The following KCTD8 variants were observed in gnomAD, a reference collection of about 807,000 sequenced individuals.
The protein encoded by KCTD8 is BTB/POZ domain-containing protein KCTD8.
Under a neutral mutation model 31.5 loss-of-function variants are expected in KCTD8, and 27 were observed. The ratio of observed to expected loss-of-function variants is 0.86; its 90% CI spans 0.63 to 1.18. The LOEUF (loss-of-function observed/expected upper bound fraction) is 1.18. Among genes scored for constraint, KCTD8 ranks in the 50% most tolerant of loss-of-function variants. The probability of loss-of-function intolerance (pLI) is 0.00; values close to 1 mark genes in which losing one functional copy is unlikely to be tolerated. For missense variants in KCTD8, 658 were observed against 647.7 expected, an observed-to-expected ratio of 1.02 and a Z score of -0.17; for synonymous variants, 290 against 280.0, an observed-to-expected ratio of 1.04 and a Z score of -0.36.
intron 1 of KCTD8, among the ~76,000 whole-genome samples, chr4:44,259,334 G>T (rs2109364854): frequency 6.6e-6 from 1 of 151,820 alleles, no homozygotes; most frequent in Admixed American, 6.6e-5. Flanking sequence ...AATATAATCA[G>T]CCGGTTTCTC....
intron 1 of KCTD8, among the ~76,000 whole-genome samples, chr4:44,439,904 ATTTATT>A (rs1721774647): frequency 3.3e-4 from 35 of 106,984 alleles, no homozygotes; most frequent in East Asian, 2.7e-3. Flanking sequence ...ATTTATTTTT[ATTTATT>A]TATTTATTTA....
chr4:44,295,681 A>T (rs1309549011), intron 1 of KCTD8, among the ~76,000 whole-genome samples: 1 of 152,130 alleles, frequency 6.6e-6, no homozygotes, highest in Non-Finnish European at 1.5e-5. Context: ...AGTTTCTCAT[A>T]GTTCTAGAGG....
intron 1 of KCTD8, among the ~76,000 whole-genome samples, chr4:44,327,204 AAC>A (rs1379201298): frequency 1.7e-4 from 26 of 151,922 alleles, no homozygotes; most frequent in Admixed American, 1.7e-3. Flanking sequence ...TGAAATTGAA[AAC>A]ACACATTTTT....
chr4:44,388,339 C>G (rs1228272982), intron 1 of KCTD8, among the ~76,000 whole-genome samples: 1 of 151,886 alleles, frequency 6.6e-6, no homozygotes, highest in East Asian at 1.9e-4. Context: ...TTTGTCCCAG[C>G]AATCCCATTA....
chr4:44,301,211 T>C (rs1717609186), intron 1 of KCTD8, among the ~76,000 whole-genome samples: 2 of 152,344 alleles, frequency 1.3e-5, no homozygotes, highest in South Asian at 4.1e-4. Context: ...GCATAAGTTA[T>C]AGTCCTTTGG....
At chr4:44,412,862 A>G (rs936942064) in intron 1 of KCTD8, among the ~76,000 whole-genome samples, 1 of 152,222 alleles carries the variant, frequency 6.6e-6, no homozygotes, top group South Asian at 2.1e-4. Flanking sequence ...GACTTTGTGT[A>G]GATAATCTGC....
chr4:44,264,851 A>T (rs538097346), intron 1 of KCTD8, among the ~76,000 whole-genome samples: 1 of 152,166 alleles, frequency 6.6e-6, no homozygotes, highest in East Asian at 1.9e-4. Context: ...GGTGCATGCC[A>T]TTGCCCAGGC....
At chr4:44,319,343 G>A (rs928398255) in intron 1 of KCTD8, among the ~76,000 whole-genome samples, 4 of 152,050 alleles carry the variant, frequency 2.6e-5, no homozygotes, top group African/African-American at 9.7e-5. Flanking sequence ...GGGGAGTGGG[G>A]GATTAGCAGG....
At position 44,193,772 on chromosome 4, in the gene KCTD8, T is replaced by TTTG. The variant is rs200356427; in HGVS notation, c.962-18525_962-18523dup. On this transcript the variant is annotated intron_variant, in intron 1 of 1. Coordinates refer to ENST00000360029, the MANE Select transcript of KCTD8 (RefSeq NM_198353.3). ...TGTCTATTTATCAAATGTAAGGGTT[T>TTTG]TTGTTGTTGTTGTTGTTGTTTCACT... is the stretch of plus-strand genomic sequence containing the variant. Among the ~76,000 whole-genome samples the TTTG allele has an allele frequency of 2.6e-5, 4 of 152,136 alleles. No individual in the cohort carries two copies. The East Asian group carries it at 5.8e-4, about 22-fold the overall frequency.
intron 1 of KCTD8, among the ~76,000 whole-genome samples, chr4:44,227,290 A>G (rs970090587): frequency 2.0e-5 from 3 of 152,194 alleles, no homozygotes; most frequent in Admixed American, 2.0e-4. Context: ...CATTTATTAA[A>G]TAGGGAATCC....
chr4:44,396,976 G>A (rs543555515), intron 1 of KCTD8, among the ~76,000 whole-genome samples: 1 of 152,194 alleles, frequency 6.6e-6, no homozygotes, highest in East Asian at 1.9e-4. Context: ...TCCAAGAATG[G>A]CTAACAAAGC....
chr4:44,269,486 A>G (rs573058474), intron 1 of KCTD8, among the ~76,000 whole-genome samples: 1 of 151,450 alleles, frequency 6.6e-6, no homozygotes, highest in African/African-American at 2.4e-5. Flanking sequence ...ATGGGCAAGG[A>G]CTTCATGTCT....
At chr4:44,247,804 T>C (rs1050372506) in intron 1 of KCTD8, among the ~76,000 whole-genome samples, 1 of 151,918 alleles carries the variant, frequency 6.6e-6, no homozygotes, top group African/African-American at 2.4e-5. Context: ...ATTTCCTTCA[T>C]TTTTAAGGCA....
At chr4:44,436,444 T>A (rs908921213) in intron 1 of KCTD8, among the ~76,000 whole-genome samples, 1 of 151,986 alleles carries the variant, frequency 6.6e-6, no homozygotes, top group Non-Finnish European at 1.5e-5. Flanking sequence ...AAAAAAGACA[T>A]AAAAATAAGA....
intron 1 of KCTD8, among the ~76,000 whole-genome samples, chr4:44,326,973 T>G (rs1718456660): frequency 6.6e-6 from 1 of 151,888 alleles, no homozygotes; most frequent in African/African-American, 2.4e-5. Flanking sequence ...ATGCTCCAGT[T>G]GGCTCTCAGT....
intron 1 of KCTD8, among the ~76,000 whole-genome samples, chr4:44,300,848 C>T (rs1435286330): frequency 2.6e-5 from 4 of 151,344 alleles, no homozygotes; most frequent in Non-Finnish European, 4.4e-5. Flanking sequence ...GTATATCTCC[C>T]AAAGCTATCC....
At chr4:44,268,719 C>T (rs1716473107) in intron 1 of KCTD8, among the ~76,000 whole-genome samples, 1 of 152,142 alleles carries the variant, frequency 6.6e-6, no homozygotes, top group African/African-American at 2.4e-5. Context: ...AACCAATGTA[C>T]AAAAATCACA....
intron 1 of KCTD8, chr4:44,293,830 A>T (rs1717350404): frequency 2.2e-6 from 1 of 453,290 alleles, no homozygotes; most frequent in South Asian, 1.6e-5. Flanking sequence ...TCGTCAGAGA[A>T]CCTGTGGAAA....
chr4:44,343,876 T>C (rs1399648543), intron 1 of KCTD8, among the ~76,000 whole-genome samples: 1 of 152,154 alleles, frequency 6.6e-6, no homozygotes, highest in Non-Finnish European at 1.5e-5. Flanking sequence ...TGTTTTGTTT[T>C]TGAGACACAG....
Sources: gnomAD v4.1 joint callset for allele counts (sites outside exome capture counted in the v4.1 genomes callset) on GRCh38, gnomAD v4.1.1 for gene constraint, MANE v1.5 for transcripts, NCBI Gene and HGNC (gene_info 2026-07-23, HGNC 2026-07-21) for gene names.